LYST: variants seen among roughly 807,000 people sequenced by gnomAD.
The protein encoded by LYST is lysosomal-trafficking regulator.
LYST carries 192 observed loss-of-function variants against 413.6 expected under a neutral mutation model. The ratio of observed to expected loss-of-function variants is 0.46; its 90% CI spans 0.41 to 0.52. LYST has a LOEUF of 0.52. Ranked by LOEUF, LYST falls within the 20% of genes least tolerant of loss-of-function variation. LYST has a pLI of 0.00. For synonymous variants in LYST, 1,525 were observed against 1,567.3 expected (o/e 0.97, Z 0.64); for missense variants, 3,815 against 4,499.9 (o/e 0.85, Z 4.35).
intron 1 of LYST, among the ~76,000 whole-genome samples, chr1:235,865,757 C>A (rs1019218691): frequency 6.6e-6 from 1 of 152,048 alleles, no homozygotes; most frequent in Non-Finnish European, 1.5e-5. Context: ...TGAATCTAGG[C>A]GTGGAATTTT....
chr1:235,799,515 A>G (rs1671955657), intron 10 of LYST, among the ~76,000 whole-genome samples: 1 of 152,192 alleles, frequency 6.6e-6, no homozygotes, highest in African/African-American at 2.4e-5. Flanking sequence ...ATCACTTCTG[A>G]GTATTCCTGA....
chr1:235,753,724 T>C (rs1666715080), intron 25 of LYST, among the ~76,000 whole-genome samples: 1 of 152,118 alleles, frequency 6.6e-6, no homozygotes, highest in Non-Finnish European at 1.5e-5. Context: ...TGGAATGAAA[T>C]TAGCTAAGTA....
rs985590514 is a variant in LYST, at chr1:235,804,753, G to C, written c.3394-88C>G. ...AAATAAATAATAAATATTTACTTAA[G>C]TATAAAGCTAATCCATTTATTTGCA... On this transcript the variant is annotated intron_variant, in intron 6 of 52. Coordinates refer to ENST00000389793, the MANE Select transcript of LYST (RefSeq NM_000081.4). 26 of 806,216 alleles carry C rather than the reference G, an allele frequency of 3.2e-5. No individual in the cohort carries two copies. The African/African-American group carries it at 4.5e-4, about 14-fold the overall frequency. 49.9% of individuals were successfully genotyped at this position (806,216 alleles called of 1,614,324 possible).
intron 3 of LYST, among the ~76,000 whole-genome samples, chr1:235,821,116 T>C (rs75287707): frequency 0.02 from 3,086 of 152,326 alleles, 52 homozygotes; most frequent in Non-Finnish European, 0.029. Context: ...TATGCTTGTA[T>C]TGGTCCCACG....
intron 38 of LYST, among the ~76,000 whole-genome samples, chr1:235,725,206 G>C (rs1358733530): frequency 6.6e-6 from 1 of 152,164 alleles, no homozygotes; most frequent in Non-Finnish European, 1.5e-5. Context: ...GGCGGAGGCA[G>C]GCAGATCACT....
intron 52 of LYST, 73 bp from the exon 53 acceptor site, chr1:235,663,151 T>G: frequency 1.9e-6 from 2 of 1,033,626 alleles, no homozygotes; most frequent in Non-Finnish European, 3.0e-6. Context: ...GTCATCATAC[T>G]GAGGTTAGTG....
intron 1 of LYST, among the ~76,000 whole-genome samples, chr1:235,857,292 C>A (rs1223805692): frequency 1.3e-5 from 2 of 151,922 alleles, no homozygotes; most frequent in Non-Finnish European, 2.9e-5. Context: ...TGAATTGAGC[C>A]CTCAACTAGA....
intron 11 of LYST, among the ~76,000 whole-genome samples, chr1:235,792,368 G>A (rs1671094764): frequency 6.6e-6 from 1 of 151,890 alleles, no homozygotes; most frequent in South Asian, 2.1e-4. Flanking sequence ...AGGCTGGAGT[G>A]CAGTTGCACA....
At chr1:235,882,050 T>C (rs1421149249) in intron 1 of LYST, among the ~76,000 whole-genome samples, 1 of 138,252 alleles carries the variant, frequency 7.2e-6, no homozygotes, top group Non-Finnish European at 1.5e-5. Flanking sequence ...ACACACACAC[T>C]CACACATACA....
chr1:235,810,500 C>T lies in LYST; in HGVS notation c.318G>A (p.Leu106=). 1 of 1,612,148 alleles carries T rather than the reference C, an allele frequency of 6.2e-7. No homozygotes were observed. Among genetic ancestry groups the T allele is most frequent in the Non-Finnish European group, 8.5e-7 (1 of 1,179,700 alleles). The change falls in exon 5 of 53, where the codon CTG becomes CTA. Residue 106 remains leucine, a synonymous_variant. Transcript: ENST00000389793. ...FNLPLSADII[L]TKEKNSSSQR... ...GTGAACTTGAGTTCTTTTCTTTGGT[C>T]AGGATTATATCTGCTGAGAGCGGTA...
intron 1 of LYST, among the ~76,000 whole-genome samples, chr1:235,836,522 C>T (rs1036447823): frequency 2.0e-5 from 3 of 152,080 alleles, no homozygotes; most frequent in Non-Finnish European, 2.9e-5. Context: ...ATCTGGGAAA[C>T]GTGCGTTCCA....
intron 47 of LYST, among the ~76,000 whole-genome samples, chr1:235,692,302 C>T (rs546208255): frequency 2.6e-4 from 39 of 151,958 alleles, no homozygotes; most frequent in African/African-American, 8.7e-4. Flanking sequence ...CACTGTACTC[C>T]AGCCTGGGCG....
intron 17 of LYST, among the ~76,000 whole-genome samples, chr1:235,776,850 T>G (rs1669304164): frequency 6.6e-6 from 1 of 152,148 alleles, no homozygotes; most frequent in African/African-American, 2.4e-5. Flanking sequence ...CATTTTTGGT[T>G]AATAGAAAAC....
At chr1:235,738,671 G>A (rs1337707161) in intron 31 of LYST, 1 of 1,607,136 alleles carries the variant, frequency 6.2e-7, no homozygotes, top group South Asian at 1.1e-5. Flanking sequence ...ACATAGATAA[G>A]GAACAGTGGA....
chr1:235,868,664 G>A (rs1431631469), upstream of LYST, among the ~76,000 whole-genome samples: 2 of 152,134 alleles, frequency 1.3e-5, no homozygotes, highest in Non-Finnish European at 2.9e-5. Context: ...AATGCCATTT[G>A]TGACTATTAT....
chr1:235,740,011 T>C (rs1163531652), intron 31 of LYST, among the ~76,000 whole-genome samples: 4 of 152,174 alleles, frequency 2.6e-5, no homozygotes, highest in African/African-American at 9.7e-5. Flanking sequence ...TTTTGATGGA[T>C]AGCAACTTTG....
chr1:235,691,160 C>T (rs181694082), intron 47 of LYST, among the ~76,000 whole-genome samples: 6 of 152,208 alleles, frequency 3.9e-5, no homozygotes, highest in East Asian at 3.9e-4. Flanking sequence ...CCTTGTGATC[C>T]GCCCGCCTCG....
chr1:235,841,177 T>C (rs1341435252), intron 1 of LYST, among the ~76,000 whole-genome samples: 1 of 152,182 alleles, frequency 6.6e-6, no homozygotes, highest in Non-Finnish European at 1.5e-5. Flanking sequence ...TCTCAACAAC[T>C]ATCCTTAACT....
In LYST at chr1:235,854,646, C is replaced by T. The variant is rs114113623; in HGVS notation, c.-98+12197G>A. On this transcript the variant is annotated intron_variant, in intron 1 of 52. Transcript: ENST00000389793. This position sits in a 1 kb window ranked among gnomAD's most constrained non-coding sequence, Gnocchi z 4.1. ...TTCATAAGAGTAGCTGTAGTTGTTG[C>T]GAATATCAACATTAAACGAGATAAT... 0.021 allele frequency among the ~76,000 whole-genome samples: 3,252 copies of T among 152,188 alleles called. 114 individuals are homozygous for T. Among genetic ancestry groups the T allele is most frequent in the African/African-American group, 0.074 (3,077 of 41,484 alleles).
Sources: allele counts gnomAD v4.1 joint callset (sites outside exome capture counted in the v4.1 genomes callset), GRCh38; gene constraint gnomAD v4.1.1; non-coding constraint Gnocchi (gnomAD v3.1); transcripts MANE v1.5; gene names NCBI Gene and HGNC (gene_info 2026-07-23, HGNC 2026-07-21).